ACOXL: variants seen among roughly 807,000 people sequenced by gnomAD.
ACOXL encodes acyl-coenzyme A oxidase-like protein.
Under a neutral mutation model 71.9 loss-of-function variants are expected in ACOXL, and 70 were observed. That is an observed-to-expected ratio of 0.97 (90% CI 0.80 to 1.19). ACOXL has a LOEUF of 1.19. ACOXL is among the 50% of genes most tolerant of loss of function. The probability of loss-of-function intolerance (pLI) is 0.00; values close to 1 mark genes in which losing one functional copy is unlikely to be tolerated. For synonymous variants in ACOXL, 253 were observed against 281.6 expected (o/e 0.90, Z 1.02); for missense variants, 703 against 736.3 (o/e 0.95, Z 0.52).
At chr2:110,855,159 C>G (rs189081238) in intron 10 of ACOXL, among the ~76,000 whole-genome samples, 114 of 152,216 alleles carry the variant, frequency 7.5e-4, no homozygotes, top group South Asian at 1.5e-3. Context: ...TTTTGTATAC[C>G]TGAAAGCAAG....
chr2:110,955,826 C>T (rs1260743762), intron 12 of ACOXL, among the ~76,000 whole-genome samples: 1 of 152,118 alleles, frequency 6.6e-6, no homozygotes, highest in Non-Finnish European at 1.5e-5. Context: ...TAAGCAAGCC[C>T]TCTGAAAACC....
intron 12 of ACOXL, among the ~76,000 whole-genome samples, chr2:110,934,908 CT>C (rs1434610851): frequency 6.6e-6 from 1 of 152,180 alleles, no homozygotes; most frequent in African/African-American, 2.4e-5. Context: ...TAGGGTGCAG[CT>C]GGCCAGGAGC....
At chr2:110,820,812 TGCAGAAGGACAGGATGTG>T (rs530873386) in intron 9 of ACOXL, among the ~76,000 whole-genome samples, 60 of 152,272 alleles carry the variant, frequency 3.9e-4, no homozygotes, top group African/African-American at 1.3e-3. Context: ...CCAATTGGGT[TGCAGAAGGACAGGATGTG>T]GCAGTGAAGT....
chr2:110,859,205 T>G (rs1193543984), intron 10 of ACOXL, among the ~76,000 whole-genome samples: 1 of 152,184 alleles, frequency 6.6e-6, no homozygotes, highest in Non-Finnish European at 1.5e-5. Context: ...AGAAAGAGAA[T>G]GGACTGATGA....
At chr2:110,908,716 T>G (rs1161140467) in intron 10 of ACOXL, 73 bp from the exon 11 acceptor site, 22 of 1,214,334 alleles carry the variant, frequency 1.8e-5, no homozygotes, top group Non-Finnish European at 3.6e-6. Flanking sequence ...TAGCCAGCAT[T>G]TTTAGCTCTG....
intron 12 of ACOXL, among the ~76,000 whole-genome samples, chr2:110,983,501 C>T (rs577584479): frequency 1.3e-4 from 20 of 152,294 alleles, no homozygotes; most frequent in African/African-American, 4.8e-4. Flanking sequence ...ACTGCTCACT[C>T]ACCCTAGAGT....
chr2:111,041,640 G>A (rs951777154), intron 15 of ACOXL, among the ~76,000 whole-genome samples: 4 of 152,230 alleles, frequency 2.6e-5, no homozygotes, highest in African/African-American at 9.6e-5. Context: ...ACTGGAGCAG[G>A]CCCCAGGAAG....
At position 110,824,230 on chromosome 2, in the gene ACOXL, A is replaced by G. The variant is rs553618156; in HGVS notation, c.754-17141A>G. 3.9e-5 allele frequency among the ~76,000 whole-genome samples: 6 copies of G among 152,354 alleles called. No homozygotes were observed. In the South Asian group the frequency reaches 8.3e-4, roughly 21 times the overall value. ...TTCTGTTTCATTGACTTAGGTGTCT[A>G]TTCTTTCTCCAATGCCTTGCTGTCT... On this transcript the variant is annotated intron_variant, in intron 9 of 17. Transcript: ENST00000439055.
At chr2:110,898,165 G>T (rs2059090317) in intron 10 of ACOXL, among the ~76,000 whole-genome samples, 1 of 125,086 alleles carries the variant, frequency 8.0e-6, no homozygotes, top group Non-Finnish European at 1.7e-5. Flanking sequence ...GTTTCCAGAA[G>T]AATTATTAAT....
chr2:110,752,934 G>C (rs1679196735), intron 1 of ACOXL, among the ~76,000 whole-genome samples: 1 of 152,082 alleles, frequency 6.6e-6, no homozygotes, highest in South Asian at 2.1e-4. Flanking sequence ...ACTGGGGCTG[G>C]AAGAGCCACT....
intron 12 of ACOXL, among the ~76,000 whole-genome samples, chr2:110,948,652 A>G (rs2061204910): frequency 2.7e-5 from 4 of 147,248 alleles, no homozygotes; most frequent in Non-Finnish European, 6.0e-5. Flanking sequence ...TTGTGAATGT[A>G]GACAGCTAAG....
At chr2:111,010,171 G>A (rs1313574656) in intron 14 of ACOXL, among the ~76,000 whole-genome samples, 4 of 151,946 alleles carry the variant, frequency 2.6e-5, no homozygotes, top group Admixed American at 2.6e-4. Flanking sequence ...TAGCAGACAA[G>A]GGCTTTTAAA....
intron 1 of ACOXL, among the ~76,000 whole-genome samples, chr2:110,751,497 A>G (rs967297079): frequency 6.6e-6 from 1 of 152,120 alleles, no homozygotes; most frequent in Non-Finnish European, 1.5e-5. Context: ...CAAAATTACT[A>G]ACATAAATAT....
intron 17 of ACOXL, among the ~76,000 whole-genome samples, chr2:111,113,621 A>G (rs1023707712): frequency 6.6e-6 from 1 of 152,192 alleles, no homozygotes; most frequent in Non-Finnish European, 1.5e-5. Flanking sequence ...GTAACAAGCT[A>G]TGAATTGTTG....
chr2:110,825,402 G>T (rs1689055935), intron 9 of ACOXL, among the ~76,000 whole-genome samples: 1 of 151,922 alleles, frequency 6.6e-6, no homozygotes, highest in Non-Finnish European at 1.5e-5. Flanking sequence ...TAATCTATCT[G>T]CTTGGTTCTA....
chr2:111,025,824 C>G (rs1160794427), intron 14 of ACOXL, among the ~76,000 whole-genome samples: 1 of 152,158 alleles, frequency 6.6e-6, no homozygotes, highest in East Asian at 1.9e-4. Context: ...CTCACAAAAT[C>G]TAAACCAAGG....
At chr2:110,814,793 A>G (rs143391998) in intron 9 of ACOXL, among the ~76,000 whole-genome samples, 131 of 152,366 alleles carry the variant, frequency 8.6e-4, no homozygotes, top group African/African-American at 3.1e-3. Flanking sequence ...CATCAAGGTC[A>G]AATGGAATCA....
chr2:110,959,187 G>T (rs1223548941), intron 12 of ACOXL, among the ~76,000 whole-genome samples: 1 of 152,146 alleles, frequency 6.6e-6, no homozygotes, highest in Non-Finnish European at 1.5e-5. Flanking sequence ...AGGATGGCAG[G>T]GCCCTCCATG....
At chr2:110,899,217 C>T (rs1022764371) in intron 10 of ACOXL, among the ~76,000 whole-genome samples, 6 of 152,130 alleles carry the variant, frequency 3.9e-5, no homozygotes, top group Admixed American at 2.0e-4. Flanking sequence ...TTAAGCTGCT[C>T]GGGCAATTTC....
Sources: allele counts gnomAD v4.1 joint callset (sites outside exome capture counted in the v4.1 genomes callset), GRCh38; gene constraint gnomAD v4.1.1; transcripts MANE v1.5; gene names NCBI Gene and HGNC (gene_info 2026-07-23, HGNC 2026-07-21).